The following EIF3F variants were observed in gnomAD, a reference collection of about 807,000 sequenced individuals.
The protein encoded by EIF3F is deubiquitinating enzyme eIF3f.
EIF3F carries 8 observed loss-of-function variants against 36.0 expected under a neutral mutation model. That is an observed-to-expected ratio of 0.22 (90% confidence interval 0.13 to 0.40). The LOEUF (loss-of-function observed/expected upper bound fraction) is 0.40, where lower values mean the gene tolerates loss of function less well. Among genes scored for constraint, EIF3F ranks in the 10% least tolerant of loss-of-function variants. The probability of loss-of-function intolerance (pLI) is 1.00; values close to 1 mark genes in which losing one functional copy is unlikely to be tolerated. For synonymous variants in EIF3F, 184 were observed against 188.5 expected, an observed-to-expected ratio of 0.98 and a Z score of 0.19; for missense variants, 430 against 467.6, an observed-to-expected ratio of 0.92 and a Z score of 0.74.
rs141976414 is a variant in EIF3F, at chr11:7,994,466, T to G, written c.694T>G (p.Phe232Val). The change falls in exon 5 of 8, where the codon TTC becomes GTC. Residue 232 changes from phenylalanine (F) to valine (V), a missense_variant. Physicochemically the swap from Phe to Val is conservative, Grantham distance 50. Coordinates refer to ENST00000651655, the MANE Select transcript of EIF3F (RefSeq NM_003754.3). ...CCCTGGGAGGACCATGGGAGTGATG[T>G]TCACGCCTCTGACAGTGAAATACGC... ...GVPGRTMGVM[F>V]TPLTVKYAYY... The G allele has an allele frequency of 1.3e-3, 2,020 of 1,614,072 alleles. No homozygotes were observed. Among genetic ancestry groups the G allele is most frequent in the Non-Finnish European group, 1.6e-3 (1,854 of 1,179,998 alleles).
rs932943802 is a variant in EIF3F at position 7,995,374 on chromosome 11, G to T, written c.996+7G>T. 1 of 1,607,618 alleles carries T rather than the reference G, an allele frequency of 6.2e-7. No homozygotes were observed. Among genetic ancestry groups the T allele is most frequent in the Non-Finnish European group, 8.5e-7 (1 of 1,174,072 alleles). On this transcript the variant is annotated splice_region_variant and intron_variant, in intron 7 of 7. Coordinates refer to ENST00000651655, the MANE Select transcript of EIF3F (RefSeq NM_003754.3). ...GCTCAACAGCAACATCAATGTGAGT[G>T]CCCTTCCTGAGCCCCTTCTTGCCTG...
chr11:7,992,806 C>G, intron 3 of EIF3F, 81 bp from the exon 4 acceptor site: 1 of 1,596,988 alleles, frequency 6.3e-7, no homozygotes, highest in Non-Finnish European at 8.6e-7. Flanking sequence ...GTCCGGTACC[C>G]TGAAGACACC....
Position 7,997,556 on chromosome 11 carries a change from G to A in EIF3F, c.*1534G>A, listed in dbSNP as rs529324709. The A allele has an allele frequency of 2.0e-5, 3 of 152,218 alleles. No homozygotes were observed. Among genetic ancestry groups the A allele is most frequent in the African/African-American group, 7.2e-5 (3 of 41,530 alleles). The allele number at this position is 152,218 out of a possible 1,614,324, so 9.4% of individuals were successfully genotyped here. On this transcript the variant is annotated 3_prime_UTR_variant, in exon 8 of 8. Transcript: ENST00000651655. ...ATGTATAAGTATTAAACTAGCCCAA[G>A]GAAAAATTGAATATTAAAACAAACC...
At position 8,001,732 on chromosome 11, in the gene EIF3F, G is replaced by T. The variant is rs1942224577; in HGVS notation, c.*5710G>T. 1 of 152,088 alleles carries T rather than the reference G, an allele frequency of 6.6e-6. No individual in the cohort carries two copies. The highest frequency in any genetic ancestry group is 6.6e-5 in the Admixed American group (1 of 15,266). The allele number at this position is 152,088 out of a possible 1,614,324, so 9.4% of individuals were successfully genotyped here. A position where few individuals can be genotyped will look rare whatever the true frequency, so the allele number is the denominator to read the frequency against. On this transcript the variant is annotated 3_prime_UTR_variant, in exon 8 of 8. Transcript: ENST00000651655. ...TATCACTGATTGTCTTAAGGTACTAGATGGGGCACAGGACAGGACGAAAGA... is the reference window on the plus strand; with the variant it reads ...TATCACTGATTGTCTTAAGGTACTATATGGGGCACAGGACAGGACGAAAGA...
In EIF3F at chr11:7,987,502, G is replaced by C; in HGVS notation, c.150G>C (p.Ala50=). ...AAAPASSSDP[A]AAAAATAAPG... is the part of the protein sequence containing the mutation. ...CTCCAGCCTCATCCTCAGACCCTGC[G>C]GCAGCAGCGGCTGCAACTGCGGCTC... The change falls in exon 1 of 8, where the codon GCG becomes GCC. Residue 50 remains alanine (A), a synonymous_variant. Coordinates refer to ENST00000651655, the MANE Select transcript of EIF3F (RefSeq NM_003754.3). 6.2e-7 allele frequency: 1 copy of C among 1,605,756 alleles called. No individual in the cohort carries two copies. Among genetic ancestry groups the C allele is most frequent in the Non-Finnish European group, 8.5e-7 (1 of 1,177,710 alleles).
At chr11:7,991,366 C>T (rs117365579) in intron 1 of EIF3F, among the ~76,000 whole-genome samples, 2,599 of 152,110 alleles carry the variant, frequency 0.017, 34 homozygotes, top group Non-Finnish European at 0.028. Flanking sequence ...AAGCTCCTGA[C>T]GTCTCAGTGT....
chr11:7,997,417 G>A lies in EIF3F; in HGVS notation c.*1395G>A, dbSNP rs143266137. ...AATCTCTCAATGAATAGTGATGAGAGATGGTGGGATAATAGGGAAGAAACA... is the reference window on the plus strand; with the variant it reads ...AATCTCTCAATGAATAGTGATGAGAAATGGTGGGATAATAGGGAAGAAACA... On this transcript the variant is annotated 3_prime_UTR_variant, in exon 8 of 8. Coordinates refer to ENST00000651655, the MANE Select transcript of EIF3F (RefSeq NM_003754.3). 36 of 152,286 alleles carry A rather than the reference G, an allele frequency of 2.4e-4. No homozygotes were observed. The highest frequency in any genetic ancestry group is 7.9e-4 in the African/African-American group (33 of 41,560). The allele number at this position is 152,286 out of a possible 1,614,324, so 9.4% of individuals were successfully genotyped here. A position where few individuals can be genotyped will look rare whatever the true frequency, so the allele number is the denominator to read the frequency against.
rs1432944799 is a variant in EIF3F at position 8,000,063 on chromosome 11, G to A, written c.*4041G>A. On this transcript the variant is annotated 3_prime_UTR_variant, in exon 8 of 8. Transcript: ENST00000651655. ...TACAAAAGATACAAAAATTAGCCAG[G>A]CATCTTGGAGGGCGCCTGTAATCCC... 2 of 152,104 alleles carry A rather than the reference G, an allele frequency of 1.3e-5. No homozygotes were observed. The highest frequency in any genetic ancestry group is 4.8e-5 in the African/African-American group (2 of 41,416). The allele number at this position is 152,104 out of a possible 1,614,324, so 9.4% of individuals were successfully genotyped here.
intron 7 of EIF3F, 175 bp from the exon 8 acceptor site, chr11:7,995,770 T>A (rs1360504438): frequency 1.5e-6 from 1 of 682,732 alleles, no homozygotes. Context: ...AAGAAAGCCT[T>A]CTCAAGCATT....
In EIF3F at chr11:7,996,062, C is replaced by T. The variant is rs1407612396; in HGVS notation, c.*40C>T. The T allele has an allele frequency of 3.8e-6, 6 of 1,586,906 alleles. No homozygotes were observed. Among genetic ancestry groups the T allele is most frequent in the East Asian group, 2.2e-5 (1 of 44,670 alleles). On this transcript the variant is annotated 3_prime_UTR_variant, in exon 8 of 8. Coordinates refer to ENST00000651655, the MANE Select transcript of EIF3F (RefSeq NM_003754.3). ...GTACACTTGCTGGTCTAGGTATTAACCCCAGGACTCAGAAGTGAAGGAGAA... is the reference window on the plus strand; with the variant it reads ...GTACACTTGCTGGTCTAGGTATTAATCCCAGGACTCAGAAGTGAAGGAGAA...
chr11:7,995,759 T>C, intron 7 of EIF3F, 186 bp from the exon 8 acceptor site: 6 of 670,082 alleles, frequency 9.0e-6, no homozygotes, highest in Non-Finnish European at 1.6e-5. Flanking sequence ...TCAGTAGAGA[T>C]AAGAAAGCCT....
intron 4 of EIF3F, 83 bp downstream of exon 4, chr11:7,993,107 C>T (rs1209986070): frequency 2.8e-6 from 4 of 1,445,390 alleles, no homozygotes; most frequent in Non-Finnish European, 2.8e-6. Flanking sequence ...TTAATTCCTT[C>T]CATGTGTAAC....
Position 7,996,063 on chromosome 11 carries a change from C to G in EIF3F, c.*41C>G. On this transcript the variant is annotated 3_prime_UTR_variant, in exon 8 of 8. Transcript: ENST00000651655. ...TACACTTGCTGGTCTAGGTATTAAC[C>G]CCAGGACTCAGAAGTGAAGGAGAAA... 1 of 1,588,142 alleles carries G rather than the reference C, an allele frequency of 6.3e-7. No individual in the cohort carries two copies. The highest frequency in any genetic ancestry group is 8.6e-7 in the Non-Finnish European group (1 of 1,156,590).
chr11:7,998,083 T>G lies in EIF3F; in HGVS notation c.*2061T>G, dbSNP rs748913596. The G allele has an allele frequency of 6.8e-6, 1 of 147,094 alleles. No individual in the cohort carries two copies. The highest frequency in any genetic ancestry group is 1.5e-5 in the Non-Finnish European group (1 of 65,814). 9.1% of individuals were successfully genotyped at this position (147,094 alleles called of 1,614,324 possible). A position where few individuals can be genotyped will look rare whatever the true frequency, so the allele number is the denominator to read the frequency against. On this transcript the variant is annotated 3_prime_UTR_variant, in exon 8 of 8. Transcript: ENST00000651655. ...TCCTCCACGGATACTAAACGGTGACTGTGTGTGTATATATATATGTATAGT... is the reference window on the plus strand; with the variant it reads ...TCCTCCACGGATACTAAACGGTGACGGTGTGTGTATATATATATGTATAGT...
At chr11:7,993,059 C>G in intron 4 of EIF3F, 35 bp downstream of exon 4, 1 of 1,525,794 alleles carries the variant, frequency 6.6e-7, no homozygotes, top group South Asian at 1.3e-5. Context: ...GGCATAAAAC[C>G]ATGCCCAGAT....
At position 8,000,860 on chromosome 11, in the gene EIF3F, A is replaced by T. The variant is rs1477360652; in HGVS notation, c.*4838A>T. The T allele has an allele frequency of 2.6e-5, 4 of 152,220 alleles. No individual in the cohort carries two copies. The highest frequency in any genetic ancestry group is 5.9e-5 in the Non-Finnish European group (4 of 68,034). The allele number at this position is 152,220 out of a possible 1,614,324, so 9.4% of individuals were successfully genotyped here. A position where few individuals can be genotyped will look rare whatever the true frequency, so the allele number is the denominator to read the frequency against. ...GGAAAAAACACAGCAATGTGTTTTT[A>T]ATGATTTATGAGTGAGGAAGAACTT... On this transcript the variant is annotated 3_prime_UTR_variant, in exon 8 of 8. Transcript: ENST00000651655.
intron 7 of EIF3F, 180 bp from the exon 8 acceptor site, chr11:7,995,765 A>G: frequency 1.5e-6 from 1 of 675,588 alleles, no homozygotes; most frequent in Non-Finnish European, 2.7e-6. Context: ...GAGATAAGAA[A>G]GCCTTCTCAA....
Position 7,987,362 on chromosome 11 carries a change from C to A in EIF3F, c.10C>A (p.Pro4Thr). 1 of 1,593,598 alleles carries A rather than the reference C, an allele frequency of 6.3e-7. No homozygotes were observed. Among genetic ancestry groups the A allele is most frequent in the Non-Finnish European group, 8.5e-7 (1 of 1,176,400 alleles). ...CTTCTTTCTCGACAAGATGGCCACA[C>A]CGGCGGTACCAGTAAGTGCTCCTCC... MAT[P>T]AVPVSAPPAT... Residue 4 changes from proline (P) to threonine (T), a missense_variant, in exon 1 of 8, where the codon CCG becomes ACG. Pro to Thr is a conservative substitution (Grantham distance 38). Around this residue, in one of 2 missense-constraint regions of EIF3F, gnomAD observed 168 missense variants for 120.2 expected, o/e 1.40. Coordinates refer to ENST00000651655, the MANE Select transcript of EIF3F (RefSeq NM_003754.3).
At position 8,001,750 on chromosome 11, in the gene EIF3F, A is replaced by G. The variant is rs1942224730; in HGVS notation, c.*5728A>G. The G allele has an allele frequency of 6.6e-6, 1 of 152,206 alleles. No individual in the cohort carries two copies. Among genetic ancestry groups the G allele is most frequent in the South Asian group, 2.1e-4 (1 of 4,832 alleles). The allele number at this position is 152,206 out of a possible 1,614,324, so 9.4% of individuals were successfully genotyped here. On this transcript the variant is annotated 3_prime_UTR_variant, in exon 8 of 8. Coordinates refer to ENST00000651655, the MANE Select transcript of EIF3F (RefSeq NM_003754.3). The stretch of plus-strand genomic sequence containing the variant: ...GGTACTAGATGGGGCACAGGACAGG[A>G]CGAAAGATTTACTTCTTATTGTTTC...
Sources: gnomAD v4.1 joint callset for allele counts (sites outside exome capture counted in the v4.1 genomes callset) on GRCh38, gnomAD v4.1.1 for gene constraint, gnomAD v4.1.1 regional missense constraint, MANE v1.5 for transcripts, NCBI Gene and HGNC (gene_info 2026-07-23, HGNC 2026-07-21) for gene names.